Variants in ARSB observed in about 807,000 individuals in gnomAD.
ARSB encodes the protein arylsulfatase B.
A neutral mutation model predicts 50.9 loss-of-function variants in ARSB; 41 were observed. The ratio of observed to expected loss-of-function variants is 0.81; its 90% confidence interval spans 0.63 to 1.04. The LOEUF (loss-of-function observed/expected upper bound fraction) is 1.04. Ranked by LOEUF, ARSB falls within the 50% of genes least tolerant of loss-of-function variation. The pLI is 0.00. For synonymous variants in ARSB, 269 were observed against 284.8 expected, an observed-to-expected ratio of 0.94 and a Z score of 0.56; for missense variants, 672 against 693.3, an observed-to-expected ratio of 0.97 and a Z score of 0.35.
intron 6 of ARSB, among the ~76,000 whole-genome samples, chr5:78,817,845 T>A (rs1201412739): frequency 1.3e-5 from 2 of 150,586 alleles, no homozygotes; most frequent in Non-Finnish European, 3.0e-5. Context: ...ACAAAAAATG[T>A]CTCTGATATA....
chr5:78,870,545 CA>C (rs1747087452), intron 5 of ARSB, among the ~76,000 whole-genome samples: 3 of 149,876 alleles, frequency 2.0e-5, no homozygotes, highest in Admixed American at 6.8e-5. Context: ...AGCATATAAA[CA>C]GAGCCAAAGA....
chr5:78,897,013 C>T (rs564527010), intron 4 of ARSB, among the ~76,000 whole-genome samples: 6 of 150,710 alleles, frequency 4.0e-5, no homozygotes, highest in South Asian at 2.1e-4. Context: ...CAGTTATAGA[C>T]GAAATAAATT....
At chr5:78,874,035 C>A (rs1747369185) in intron 5 of ARSB, among the ~76,000 whole-genome samples, 1 of 152,110 alleles carries the variant, frequency 6.6e-6, no homozygotes, top group East Asian at 1.9e-4. Flanking sequence ...TTAGACTTAT[C>A]AACAGTAACA....
intron 1 of ARSB, among the ~76,000 whole-genome samples, chr5:78,979,995 G>C (rs1752832912): frequency 1.3e-5 from 2 of 152,170 alleles, no homozygotes; most frequent in Admixed American, 1.3e-4. Flanking sequence ...CTACAACATA[G>C]ATGAAAGGAC....
chr5:78,877,720 T>G (rs1001749274), intron 5 of ARSB, among the ~76,000 whole-genome samples: 16 of 152,162 alleles, frequency 1.1e-4, no homozygotes, highest in African/African-American at 3.9e-4. Context: ...TACAAAAATA[T>G]CCAGCACTCA....
intron 1 of ARSB, among the ~76,000 whole-genome samples, chr5:78,981,210 A>G (rs2112568418): frequency 2.1e-4 from 1 of 4,670 alleles, no homozygotes; most frequent in East Asian, 2.8e-3. Flanking sequence ...TCGGCCTCCC[A>G]AAGTGCTGGG....
intron 6 of ARSB, among the ~76,000 whole-genome samples, chr5:78,796,879 C>CTTTCTT (rs1743200676): frequency 7.9e-6 from 1 of 126,382 alleles, no homozygotes; most frequent in Non-Finnish European, 1.6e-5. Flanking sequence ...GTCTCGATCT[C>CTTTCTT]TTTTTTTTTT....
At chr5:78,962,523 G>GTTTTTTTTT (rs1752033569) in intron 3 of ARSB, among the ~76,000 whole-genome samples, 1 of 89,382 alleles carries the variant, frequency 1.1e-5, no homozygotes, top group African/African-American at 5.6e-5. Context: ...ACATGTGCTC[G>GTTTTTTTTT]ATTTTTTTTT....
chr5:78,957,066 A>G (rs895081151), intron 3 of ARSB, among the ~76,000 whole-genome samples: 2 of 152,216 alleles, frequency 1.3e-5, no homozygotes, highest in African/African-American at 4.8e-5. Flanking sequence ...ATCAATTTGC[A>G]ACATTTAACA....
At chr5:78,837,754 C>A (rs1264199060) in intron 6 of ARSB, among the ~76,000 whole-genome samples, 2 of 152,094 alleles carry the variant, frequency 1.3e-5, no homozygotes, top group African/African-American at 2.4e-5. Context: ...CTACTCACAG[C>A]ACATCTCAAT....
chr5:78,866,965 C>T (rs1034110779), intron 5 of ARSB, among the ~76,000 whole-genome samples: 8 of 152,200 alleles, frequency 5.3e-5, no homozygotes, highest in South Asian at 2.1e-4. Context: ...GTGCGCACAC[C>T]GTGCGCGAGC....
At chr5:78,906,277 G>A (rs1227549917) in intron 4 of ARSB, among the ~76,000 whole-genome samples, 2 of 152,138 alleles carry the variant, frequency 1.3e-5, no homozygotes, top group African/African-American at 4.8e-5. Flanking sequence ...AGGCTGCAGT[G>A]AGCTATGGTT....
intron 5 of ARSB, among the ~76,000 whole-genome samples, chr5:78,865,753 C>T (rs1746687452): frequency 6.6e-6 from 1 of 152,196 alleles, no homozygotes; most frequent in Admixed American, 6.5e-5. Context: ...GAAATTTCCT[C>T]TGCCAGATAC....
In ARSB at chr5:78,885,601, G is replaced by C. The variant is rs780432111; in HGVS notation, c.1125C>G (p.Asp375Glu). 3.1e-6 allele frequency: 5 copies of C among 1,613,774 alleles called. No individual in the cohort carries two copies. In the South Asian group the frequency reaches 5.5e-5, roughly 18 times the overall value. The part of the protein sequence containing the change: ...TNGTKPLDGF[D>E]VWKTISEGSP... Reference sequence around the variant, plus strand: ...GTAGGTACCTGATGGTTTTCCACACGTCGAAGCCATCCAGAGGCTTTGTGC... The same window carrying C: ...GTAGGTACCTGATGGTTTTCCACACCTCGAAGCCATCCAGAGGCTTTGTGC... The change falls in exon 5 of 8, where the codon GAC (aspartate) becomes GAG (glutamate). Residue 375 changes from aspartate to glutamate, a missense_variant. Coordinates refer to ENST00000264914, the MANE Select transcript of ARSB (RefSeq NM_000046.5).
At chr5:78,884,521 T>G (rs1242318690) in intron 5 of ARSB, 1 of 151,290 alleles carries the variant, frequency 6.6e-6, no homozygotes, top group Non-Finnish European at 1.5e-5. Context: ...TGGAGTGGGA[T>G]GAAGAGATGG....
chr5:78,880,993 A>G (rs1020470187), intron 5 of ARSB, among the ~76,000 whole-genome samples: 8 of 152,206 alleles, frequency 5.3e-5, no homozygotes, highest in African/African-American at 1.9e-4. Flanking sequence ...GCGCTTTGGG[A>G]GGCCAAGGCA....
intron 6 of ARSB, among the ~76,000 whole-genome samples, chr5:78,824,354 T>C (rs961260191): frequency 6.6e-6 from 1 of 152,244 alleles, no homozygotes; most frequent in Non-Finnish European, 1.5e-5. Flanking sequence ...TAAATACTTA[T>C]ACAAATATTT....
At chr5:78,976,411 C>G (rs1008499591) in intron 1 of ARSB, among the ~76,000 whole-genome samples, 3 of 151,568 alleles carry the variant, frequency 2.0e-5, no homozygotes, top group Admixed American at 6.6e-5. Context: ...CATCTACCCC[C>G]CTGCCCCCGG....
intron 4 of ARSB, among the ~76,000 whole-genome samples, chr5:78,943,723 T>C (rs1751059536): frequency 6.6e-6 from 1 of 152,230 alleles, no homozygotes; most frequent in Admixed American, 6.5e-5. Context: ...TTTTCCTTCA[T>C]TTCAACTTTG....
Sources: gnomAD v4.1 joint callset for allele counts (sites outside exome capture counted in the v4.1 genomes callset) on GRCh38, gnomAD v4.1.1 for gene constraint, MANE v1.5 for transcripts, NCBI Gene and HGNC (gene_info 2026-07-23, HGNC 2026-07-21) for gene names.